The following DNAJB1 variants were observed in gnomAD, a reference collection of about 807,000 sequenced individuals.
DNAJB1 encodes DnaJ heat shock protein family (Hsp40) member B1, also known as dnaJ homolog subfamily B member 1.
In DNAJB1, 14 loss-of-function variants were observed where a neutral mutation model predicts 24.0. The observed-to-expected ratio is 0.58, with a 90% CI of 0.39 to 0.91. The LOEUF is 0.91. Ranked by LOEUF, DNAJB1 falls within the 40% of genes least tolerant of loss-of-function variation. DNAJB1 has a pLI of 0.00. For synonymous variants in DNAJB1, 262 were observed against 174.4 expected, an observed-to-expected ratio of 1.50 and a Z score of -3.96; for missense variants, 517 against 458.1, an observed-to-expected ratio of 1.13 and a Z score of -1.17.
In DNAJB1 at chr19:14,546,987, A is replaced by G. The variant is rs144262863; in HGVS notation, c.-214+3221T>C. Among the ~76,000 whole-genome samples the G allele has an allele frequency of 7.9e-3, 1,209 of 152,272 alleles. 6 individuals are homozygous for G. Among genetic ancestry groups the G allele is most frequent in the Middle Eastern group, 0.014 (4 of 294 alleles). Reference sequence around the variant, plus strand: ...TGGGATTACAGGCATGAGCCACTGCACCCAGCCTAAAAATTAAATTTCAAT... The same window carrying G: ...TGGGATTACAGGCATGAGCCACTGCGCCCAGCCTAAAAATTAAATTTCAAT... On this transcript the variant is annotated intron_variant, in intron 1 of 3. Coordinates refer to the DNAJB1 transcript ENST00000676982.
upstream of DNAJB1, chr19:14,529,807 C>G: frequency 6.3e-7 from 1 of 1,575,056 alleles, no homozygotes; most frequent in South Asian, 1.1e-5. Context: ...GTCCTGTGCC[C>G]CGAAGGAAGA....
At chr19:14,533,145 G>A (rs907563934), upstream of DNAJB1, among the ~76,000 whole-genome samples, 6 of 151,522 alleles carry the variant, frequency 4.0e-5, no homozygotes, top group African/African-American at 1.5e-4. Context: ...TTTCAGCTGG[G>A]CACAGTGGCT....
upstream of DNAJB1, chr19:14,530,716 G>GA (rs1306869717): frequency 2.0e-5 from 3 of 152,102 alleles, no homozygotes; most frequent in Admixed American, 6.6e-5. Context: ...GTCCTCAAAT[G>GA]AAAAATAGCA....
chr19:14,553,698 T>TGTGATGGGGGCGAG (rs541482846), upstream of DNAJB1, among the ~76,000 whole-genome samples: 5 of 151,996 alleles, frequency 3.3e-5, no homozygotes, highest in African/African-American at 4.8e-5. Context: ...TCTCTGCATT[T>TGTGATGGGGGCGAG]GTGATGGGGG....
chr19:14,516,213 G>A (rs775643497), intron 2 of DNAJB1, 43 bp from the exon 3 acceptor site: 3 of 1,606,828 alleles, frequency 1.9e-6, no homozygotes, highest in South Asian at 2.2e-5. Context: ...GCTGGCTCAA[G>A]AGGCTCAGCT....
At chr19:14,543,595 C>T (rs1237174829) in intron 1 of DNAJB1, among the ~76,000 whole-genome samples, 6 of 147,684 alleles carry the variant, frequency 4.1e-5, no homozygotes, top group Non-Finnish European at 6.0e-5. Flanking sequence ...CCCGCTACCA[C>T]GCCCGGCTAA....
In DNAJB1 at chr19:14,517,029, G is replaced by C; in HGVS notation, c.229C>G (p.Pro77Ala). The change falls in exon 2 of 3, where the codon CCC becomes GCC. Residue 77 changes from proline (P) to alanine (A), a missense_variant. Physicochemically the swap from Pro to Ala is conservative, Grantham distance 27. Transcript: ENST00000254322. ...GCACCACCGCCGCTACCGCCACTGGGGCCACTCCCCTTTAGGCCTGAAAAG... is the reference window on the plus strand; with the variant it reads ...GCACCACCGCCGCTACCGCCACTGGCGCCACTCCCCTTTAGGCCTGAAAAG... ...YGEEGLKGSG[P>A]SGGSGGGANG... 1 of 1,610,060 alleles carries C rather than the reference G, an allele frequency of 6.2e-7. No homozygotes were observed. The highest frequency in any genetic ancestry group is 1.1e-5 in the South Asian group (1 of 91,024).
In DNAJB1 at chr19:14,516,146, C is replaced by G; in HGVS notation, c.817G>C (p.Val273Leu). Residue 273 changes from valine to leucine, a missense_variant, in exon 3 of 3, where the codon GTC becomes CTC. Coordinates refer to ENST00000254322, the MANE Select transcript of DNAJB1 (RefSeq NM_006145.3). ...REALCGCTVN[V>L]PTLDGRTIPV... ...ATCGTCCTGCCGTCCAGAGTGGGGACGTTCACTGTGCAGCCACACAGAGCC... is the reference window on the plus strand; with the variant it reads ...ATCGTCCTGCCGTCCAGAGTGGGGAGGTTCACTGTGCAGCCACACAGAGCC... 6.2e-7 allele frequency: 1 copy of G among 1,613,260 alleles called. No homozygotes were observed. Among genetic ancestry groups the G allele is most frequent in the Non-Finnish European group, 8.5e-7 (1 of 1,179,860 alleles).
At chr19:14,555,190 T>C (rs1331112956), upstream of DNAJB1, among the ~76,000 whole-genome samples, 1 of 151,838 alleles carries the variant, frequency 6.6e-6, no homozygotes, top group Non-Finnish European at 1.5e-5. Context: ...GCGATCCTTC[T>C]GTCACAGCCC....
chr19:14,529,613 T>A, upstream of DNAJB1: 1 of 1,602,722 alleles, frequency 6.2e-7, no homozygotes, highest in East Asian at 2.2e-5. Context: ...ATCGCTGCGG[T>A]TGCGAGCGCT....
upstream of DNAJB1, among the ~76,000 whole-genome samples, chr19:14,555,155 T>G (rs2073674116): frequency 6.6e-6 from 1 of 151,772 alleles, no homozygotes; most frequent in Non-Finnish European, 1.5e-5. Context: ...CATGGCTCAC[T>G]GCAGCCTGGA....
chr19:14,555,351 C>T (rs543549149), intron 1 of DNAJB1, among the ~76,000 whole-genome samples: 2 of 150,016 alleles, frequency 1.3e-5, no homozygotes, highest in African/African-American at 2.4e-5. Flanking sequence ...TGGGTTCAAG[C>T]GATTCTCCTG....
intron 1 of DNAJB1, among the ~76,000 whole-genome samples, chr19:14,559,745 C>T (rs1170288557): frequency 6.6e-6 from 1 of 151,218 alleles, no homozygotes; most frequent in Admixed American, 6.6e-5. Context: ...CAAGATCGCA[C>T]TGCTGCACTC....
chr19:14,528,626 C>T (rs995473958), intron 1 of DNAJB1, among the ~76,000 whole-genome samples: 5 of 152,070 alleles, frequency 3.3e-5, no homozygotes, highest in Non-Finnish European at 5.9e-5. Flanking sequence ...TGTAGTTCCC[C>T]TGTCCATAGG....
chr19:14,529,662 CAGCCGCGGAGCAGT>C, upstream of DNAJB1: 1 of 1,613,800 alleles, frequency 6.2e-7, no homozygotes, highest in Non-Finnish European at 8.5e-7. Flanking sequence ...TAGGCAGCAG[CAGCCGCGGAGCAGT>C]AGCCGCCGTG....
In DNAJB1 at chr19:14,536,431, G is replaced by A. The variant is rs547119966; in HGVS notation, c.-213-8621C>T. 2.0e-3 allele frequency among the ~76,000 whole-genome samples: 297 copies of A among 151,954 alleles called. 2 individuals are homozygous for A. Among genetic ancestry groups the A allele is most frequent in the Non-Finnish European group, 3.3e-3 (222 of 67,956 alleles). On this transcript the variant is annotated intron_variant, in intron 1 of 3. Coordinates refer to the DNAJB1 transcript ENST00000676982. ...ATTACAGGCGCCCACCACCACGCCC[G>A]GCTAATTTTTGTATTTTTAGTAGAG...
At chr19:14,546,455 C>T (rs1055746601) in intron 1 of DNAJB1, among the ~76,000 whole-genome samples, 3 of 152,090 alleles carry the variant, frequency 2.0e-5, no homozygotes, top group African/African-American at 7.2e-5. Flanking sequence ...GGTGCAGTGG[C>T]ACGTGTCTGT....
intron 1 of DNAJB1, among the ~76,000 whole-genome samples, chr19:14,542,013 C>T (rs964284139): frequency 6.6e-6 from 1 of 152,094 alleles, no homozygotes; most frequent in Non-Finnish European, 1.5e-5. Context: ...GAACTCCTGA[C>T]CTCAAGTGAT....
At position 14,518,355 on chromosome 19, in the gene DNAJB1, C is replaced by G. The variant is rs759494268; in HGVS notation, c.-6G>C. 4 of 1,549,754 alleles carry G rather than the reference C, an allele frequency of 2.6e-6. No homozygotes were observed. The highest frequency in any genetic ancestry group is 2.0e-5 in the Admixed American group (1 of 50,866). ...TGGTAGTAGTCTTTACCCATGACCC[C>G]CTCCTGCGGCCCGCCGACCCGCTGT... On this transcript the variant is annotated 5_prime_UTR_variant, in exon 1 of 3. Coordinates refer to ENST00000254322, the MANE Select transcript of DNAJB1 (RefSeq NM_006145.3).
Sources: allele counts gnomAD v4.1 joint callset (sites outside exome capture counted in the v4.1 genomes callset), GRCh38; gene constraint gnomAD v4.1.1; transcripts MANE v1.5; gene names NCBI Gene and HGNC (gene_info 2026-07-23, HGNC 2026-07-21).